ST7: variants seen among roughly 807,000 people sequenced by gnomAD.
ST7 encodes suppression of tumorigenicity 7.
A neutral mutation model predicts 78.7 loss-of-function variants in ST7; 28 were observed. The observed-to-expected ratio is 0.36, with a 90% CI of 0.26 to 0.49. The LOEUF is 0.49. ST7 is among the 20% of genes least tolerant of loss of function. The probability of loss-of-function intolerance (pLI) is 0.99; values close to 1 mark genes in which losing one functional copy is unlikely to be tolerated. For missense variants in ST7, 418 were observed against 696.0 expected, an observed-to-expected ratio of 0.60 and a Z score of 4.49; for synonymous variants, 247 against 249.6, an observed-to-expected ratio of 0.99 and a Z score of 0.10.
chr7:117,109,499 C>T (rs569039512), intron 2 of ST7, among the ~76,000 whole-genome samples: 2 of 152,160 alleles, frequency 1.3e-5, no homozygotes, highest in African/African-American at 4.8e-5. Flanking sequence ...ATACAACCAT[C>T]CTAAATTAAA....
intron 2 of ST7, among the ~76,000 whole-genome samples, chr7:117,102,305 A>G (rs1313347680): frequency 6.6e-6 from 1 of 152,238 alleles, no homozygotes; most frequent in Non-Finnish European, 1.5e-5. Context: ...CAATCACCTC[A>G]AAAATTTACT....
chr7:117,130,853 A>C (rs891037162), intron 5 of ST7, among the ~76,000 whole-genome samples: 9 of 151,932 alleles, frequency 5.9e-5, no homozygotes, highest in Non-Finnish European at 1.3e-4. Flanking sequence ...AGTTGGTTTT[A>C]TATATTTTAA....
At chr7:117,133,371 A>G (rs931924474) in intron 6 of ST7, among the ~76,000 whole-genome samples, 4 of 151,870 alleles carry the variant, frequency 2.6e-5, no homozygotes, top group Admixed American at 6.6e-5. Context: ...TTCATTTAGA[A>G]TGGATCAATT....
At chr7:117,020,289 GCTAC>G (rs1227910823) in intron 1 of ST7, 7 of 384,280 alleles carry the variant, frequency 1.8e-5, no homozygotes, top group Non-Finnish European at 2.8e-5. Context: ...TGCCCCTGCT[GCTAC>G]CTAGTCCAGC....
intron 1 of ST7, among the ~76,000 whole-genome samples, chr7:116,962,952 C>G (rs755470436): frequency 1.1e-4 from 17 of 152,120 alleles, no homozygotes; most frequent in Non-Finnish European, 2.9e-5. Flanking sequence ...GGTCCCTTGA[C>G]TAGAATGCAA....
chr7:116,961,555 CGTGTGTGTGTGTGTGTGTGTGTGTGTGT>C (rs35640208), intron 1 of ST7, among the ~76,000 whole-genome samples: 1 of 138,432 alleles, frequency 7.2e-6, no homozygotes, highest in Non-Finnish European at 1.6e-5. Flanking sequence ...TGTATTCCTA[CGTGTGTGTGTGTGTGTGTGTGTGTGTGT>C]GTGTGTGTGT....
chr7:117,066,026 G>A (rs1798613948), intron 1 of ST7, among the ~76,000 whole-genome samples: 1 of 152,070 alleles, frequency 6.6e-6, no homozygotes, highest in African/African-American at 2.4e-5. Context: ...CCCTCCAACT[G>A]ATCCTTCAGA....
chr7:116,974,957 G>A (rs184337582), intron 1 of ST7, among the ~76,000 whole-genome samples: 117 of 152,248 alleles, frequency 7.7e-4, no homozygotes, highest in Middle Eastern at 6.8e-3. Context: ...CACCTTGCTT[G>A]CCTCATCTCA....
intron 8 of ST7, chr7:117,137,357 T>G (rs1195371418): frequency 6.6e-6 from 1 of 152,178 alleles, no homozygotes; most frequent in Non-Finnish European, 1.5e-5. Flanking sequence ...TGTCTCACTT[T>G]TTAATAAAAA....
chr7:116,983,761 T>C (rs1196520814), intron 1 of ST7, among the ~76,000 whole-genome samples: 1 of 152,134 alleles, frequency 6.6e-6, no homozygotes, highest in Non-Finnish European at 1.5e-5. Flanking sequence ...CCTATGACTT[T>C]AGAACTATGT....
At chr7:117,156,336 C>G (rs1806685468) in intron 9 of ST7, among the ~76,000 whole-genome samples, 2 of 152,168 alleles carry the variant, frequency 1.3e-5, no homozygotes, top group African/African-American at 4.8e-5. Flanking sequence ...TAAAAGTGCA[C>G]AGCTTTTTAG....
chr7:117,077,037 G>T (rs1584584706), intron 1 of ST7, among the ~76,000 whole-genome samples: 1 of 152,212 alleles, frequency 6.6e-6, no homozygotes, highest in Non-Finnish European at 1.5e-5. Context: ...GAGCTGAAAA[G>T]GGGACAGGGG....
At chr7:117,134,745 G>A (rs1215223335) in intron 7 of ST7, among the ~76,000 whole-genome samples, 3 of 151,980 alleles carry the variant, frequency 2.0e-5, no homozygotes, top group Non-Finnish European at 2.9e-5. Context: ...CACTTGTATA[G>A]TTTCAGCATC....
chr7:117,019,961 T>C (rs1256446543), intron 1 of ST7, among the ~76,000 whole-genome samples: 1 of 152,236 alleles, frequency 6.6e-6, no homozygotes, highest in Non-Finnish European at 1.5e-5. Context: ...ATATGCATGA[T>C]GTCTTTGTGG....
intron 9 of ST7, among the ~76,000 whole-genome samples, chr7:117,166,853 C>T (rs563432227): frequency 1.8e-4 from 27 of 151,078 alleles, no homozygotes; most frequent in Admixed American, 3.3e-4. Context: ...TGCACCACTG[C>T]GCTCCAGACT....
At chr7:116,996,594 T>C (rs1794669845) in intron 1 of ST7, among the ~76,000 whole-genome samples, 1 of 152,218 alleles carries the variant, frequency 6.6e-6, no homozygotes, top group South Asian at 2.1e-4. Flanking sequence ...GAATCTGTTA[T>C]GTTCCCTACT....
chr7:116,959,469 TG>T, intron 1 of ST7: 1 of 318,122 alleles, frequency 3.1e-6, no homozygotes, highest in Non-Finnish European at 6.1e-6. Context: ...GTTAATTCCT[TG>T]TACAAAGTAG....
chr7:117,078,689 A>G (rs1799534607), intron 1 of ST7, among the ~76,000 whole-genome samples: 1 of 152,222 alleles, frequency 6.6e-6, no homozygotes, highest in Non-Finnish European at 1.5e-5. Context: ...GGATAGAACA[A>G]GAAGAGTCAT....
intron 1 of ST7, among the ~76,000 whole-genome samples, chr7:117,048,613 T>G (rs1165970533): frequency 1.3e-5 from 2 of 152,184 alleles, no homozygotes; most frequent in Non-Finnish European, 2.9e-5. Context: ...CACCTGCTCC[T>G]TTTTGCCATA....
Sources: gnomAD v4.1 joint callset for allele counts (sites outside exome capture counted in the v4.1 genomes callset) on GRCh38, gnomAD v4.1.1 for gene constraint, MANE v1.5 for transcripts, NCBI Gene and HGNC (gene_info 2026-07-23, HGNC 2026-07-21) for gene names.